Variants in NSL1 observed in about 807,000 individuals in gnomAD.
The protein encoded by NSL1 is kinetochore-associated protein NSL1 homolog.
In NSL1, 11 loss-of-function variants were observed where a neutral mutation model predicts 25.4. The ratio of observed to expected loss-of-function variants is 0.43; its 90% confidence interval spans 0.27 to 0.72. The LOEUF is 0.72. Among genes scored for constraint, NSL1 ranks in the 30% least tolerant of loss-of-function variants. The pLI is 0.19. For missense variants in NSL1, 330 were observed against 342.7 expected (o/e 0.96, Z 0.29); for synonymous variants, 118 against 120.6 (o/e 0.98, Z 0.14).
chr1:212,727,333 G>A lies in NSL1; in HGVS notation c.*11075C>T. The A allele has an allele frequency of 4.1e-6, 4 of 985,438 alleles. No homozygotes were observed. The highest frequency in any genetic ancestry group is 4.8e-6 in the Non-Finnish European group (4 of 829,936). The allele number at this position is 985,438 out of a possible 1,614,324, so 61.0% of individuals were successfully genotyped here. The stretch of plus-strand genomic sequence containing the variant: ...TCCCCTTCCAAATTACTGAGGGGCA[G>A]TAAGTCCTGGCACTCAGCACATGGC... On this transcript the variant is annotated 3_prime_UTR_variant, in exon 6 of 6. Transcript: ENST00000366977.
At chr1:212,788,222 G>A (rs1351277698) in intron 1 of NSL1, among the ~76,000 whole-genome samples, 3 of 152,208 alleles carry the variant, frequency 2.0e-5, no homozygotes, top group African/African-American at 7.2e-5. Context: ...ACCAGCCTAG[G>A]CAACACACTG....
In NSL1 at chr1:212,738,691, A is replaced by C. The variant is rs1658351295; in HGVS notation, c.568-5T>G. The C allele has an allele frequency of 6.2e-7, 1 of 1,607,746 alleles. No homozygotes were observed. Among genetic ancestry groups the C allele is most frequent in the South Asian group, 1.1e-5 (1 of 90,792 alleles). ...TTCAATTAATGCAGGCAAGGACTTC[A>C]AACAAACAAACAGTAATATTCAACA... On this transcript the variant is annotated splice_polypyrimidine_tract_variant and splice_region_variant and intron_variant, in intron 5 of 5. Coordinates refer to ENST00000366977, the MANE Select transcript of NSL1 (RefSeq NM_015471.4).
chr1:212,756,269 A>G (rs1010079017), intron 4 of NSL1, among the ~76,000 whole-genome samples: 3 of 151,962 alleles, frequency 2.0e-5, no homozygotes, highest in East Asian at 1.9e-4. Context: ...ACAGGCATGC[A>G]CCACCATGCT....
Position 212,728,204 on chromosome 1 carries a change from C to T in NSL1, c.*10204G>A. The stretch of plus-strand genomic sequence containing the variant: ...ATGATCATGGCATGTAGTAAGCACT[C>T]AATACATGGTAACTACTAGCATTAT... On this transcript the variant is annotated 3_prime_UTR_variant, in exon 6 of 6. Coordinates refer to ENST00000366977, the MANE Select transcript of NSL1 (RefSeq NM_015471.4). 1.1e-6 allele frequency: 1 copy of T among 921,088 alleles called. No individual in the cohort carries two copies. The highest frequency in any genetic ancestry group is 1.3e-6 in the Non-Finnish European group (1 of 771,566). 57.1% of individuals were successfully genotyped at this position (921,088 alleles called of 1,614,324 possible).
chr1:212,748,559 T>C (rs1339504314), intron 4 of NSL1, among the ~76,000 whole-genome samples: 2 of 152,176 alleles, frequency 1.3e-5, no homozygotes, highest in Admixed American at 6.5e-5. Context: ...AAAACGTGGA[T>C]GAATCTCATA....
Position 212,735,525 on chromosome 1 carries a change from T to A in NSL1, c.*2883A>T, listed in dbSNP as rs901700792. 1.8e-5 allele frequency: 18 copies of A among 985,196 alleles called. No homozygotes were observed. In the African/African-American group the frequency reaches 3.0e-4, roughly 16 times the overall value. The allele number at this position is 985,196 out of a possible 1,614,324, so 61.0% of individuals were successfully genotyped here. ...AGCCATAAAGGGCCAGGGAAAGAGG[T>A]CTAGGATAAGATTTTCTGTGGGCTT... On this transcript the variant is annotated 3_prime_UTR_variant, in exon 6 of 6. Coordinates refer to ENST00000366977, the MANE Select transcript of NSL1 (RefSeq NM_015471.4).
In NSL1 at chr1:212,730,515, A is replaced by C. The variant is rs1657973431; in HGVS notation, c.*7893T>G. The C allele has an allele frequency of 1.0e-6, 1 of 985,304 alleles. No homozygotes were observed. Among genetic ancestry groups the C allele is most frequent in the South Asian group, 4.7e-5 (1 of 21,296 alleles). 61.0% of individuals were successfully genotyped at this position (985,304 alleles called of 1,614,324 possible). Reference sequence around the variant, plus strand: ...AGTCAAGGTGATGATAGAAATGCCCAATCTTTTACACAGGCACAGGAGTCA... The same window carrying C: ...AGTCAAGGTGATGATAGAAATGCCCCATCTTTTACACAGGCACAGGAGTCA... On this transcript the variant is annotated 3_prime_UTR_variant, in exon 6 of 6. Coordinates refer to ENST00000366977, the MANE Select transcript of NSL1 (RefSeq NM_015471.4).
chr1:212,780,375 G>A (rs886889704), intron 4 of NSL1, among the ~76,000 whole-genome samples: 3 of 151,048 alleles, frequency 2.0e-5, no homozygotes, highest in African/African-American at 7.3e-5. Context: ...GCGGAAGGCC[G>A]CAGGGTCCTC....
chr1:212,733,895 T>A lies in NSL1; in HGVS notation c.*4513A>T, dbSNP rs1023674715. 6.6e-6 allele frequency among the ~76,000 whole-genome samples: 1 copy of A among 152,248 alleles called. No individual in the cohort carries two copies. Among genetic ancestry groups the A allele is most frequent in the Admixed American group, 6.5e-5 (1 of 15,292 alleles). ...TTTTGACTCTGCTGCTTTTTCTGCA[T>A]GCTATCTCTGGAATGGGTATCGATT... On this transcript the variant is annotated 3_prime_UTR_variant, in exon 6 of 6. Transcript: ENST00000366977.
At chr1:212,747,015 T>C (rs112207372) in intron 4 of NSL1, among the ~76,000 whole-genome samples, 34,352 of 151,682 alleles carry the variant, frequency 0.23, 4,565 homozygotes, top group African/African-American at 0.38. Flanking sequence ...CATGGAGGTG[T>C]GTGCCTGTAG....
intron 5 of NSL1, among the ~76,000 whole-genome samples, chr1:212,739,274 C>T (rs372798574): frequency 5.3e-5 from 8 of 152,060 alleles, no homozygotes; most frequent in South Asian, 2.1e-4. Context: ...CAAAACTGTT[C>T]GGTGAACTGC....
At chr1:212,751,878 A>T (rs1455725354) in intron 4 of NSL1, among the ~76,000 whole-genome samples, 1 of 152,120 alleles carries the variant, frequency 6.6e-6, no homozygotes, top group African/African-American at 2.4e-5. Context: ...TTCTAAATGA[A>T]TTTTTTCACA....
chr1:212,748,383 T>A (rs562343104), intron 4 of NSL1, among the ~76,000 whole-genome samples: 9 of 152,212 alleles, frequency 5.9e-5, no homozygotes, highest in Non-Finnish European at 8.8e-5. Context: ...TTTCTAGATA[T>A]ATATCTACGA....
Position 212,735,271 on chromosome 1 carries a change from C to T in NSL1, c.*3137G>A. 5.1e-6 allele frequency: 5 copies of T among 977,130 alleles called. No homozygotes were observed. Among genetic ancestry groups the T allele is most frequent in the Non-Finnish European group, 4.9e-6 (4 of 822,472 alleles). 60.5% of individuals were successfully genotyped at this position (977,130 alleles called of 1,614,324 possible). A position where few individuals can be genotyped will look rare whatever the true frequency, so the allele number is the denominator to read the frequency against. ...TGAAATCTGAACTCAGATGATCTGGCTTAGAGGCTGTGCTCTTAAGATCTC... is the reference window on the plus strand; with the variant it reads ...TGAAATCTGAACTCAGATGATCTGGTTTAGAGGCTGTGCTCTTAAGATCTC... On this transcript the variant is annotated 3_prime_UTR_variant, in exon 6 of 6. Coordinates refer to ENST00000366977, the MANE Select transcript of NSL1 (RefSeq NM_015471.4).
chr1:212,785,975 T>C (rs1660924217), intron 2 of NSL1, among the ~76,000 whole-genome samples: 1 of 152,230 alleles, frequency 6.6e-6, no homozygotes, highest in Non-Finnish European at 1.5e-5. Context: ...AAATATTAAT[T>C]GAATCCCACT....
At chr1:212,787,690 T>A (rs1661001653) in intron 1 of NSL1, 53 bp from the exon 2 acceptor site, 3 of 1,261,972 alleles carry the variant, frequency 2.4e-6, no homozygotes, top group Admixed American at 4.4e-5. Context: ...AAATACTAAA[T>A]TCAAACGTTT....
chr1:212,752,574 A>T (rs1254953404), intron 4 of NSL1, among the ~76,000 whole-genome samples: 1 of 152,186 alleles, frequency 6.6e-6, no homozygotes, highest in Non-Finnish European at 1.5e-5. Context: ...AAAAAAGGCA[A>T]TATGGAAGCA....
At chr1:212,765,164 A>T in intron 4 of NSL1, among the ~76,000 whole-genome samples, 1 of 152,164 alleles carries the variant, frequency 6.6e-6, no homozygotes, top group Admixed American at 6.5e-5. Context: ...CATTCAAAGA[A>T]GAATTATTAC....
chr1:212,773,977 G>C (rs1278481649), intron 4 of NSL1, among the ~76,000 whole-genome samples: 2 of 152,012 alleles, frequency 1.3e-5, no homozygotes, highest in African/African-American at 4.8e-5. Flanking sequence ...TCACTCACAT[G>C]TGAGAACTAA....
Sources: allele counts gnomAD v4.1 joint callset (sites outside exome capture counted in the v4.1 genomes callset), GRCh38; gene constraint gnomAD v4.1.1; transcripts MANE v1.5; gene names NCBI Gene and HGNC (gene_info 2026-07-23, HGNC 2026-07-21).